NODAL: variants seen among roughly 807,000 people sequenced by gnomAD.
The protein encoded by NODAL is nodal homolog.
In NODAL, 12 loss-of-function variants were observed where a neutral mutation model predicts 34.0. The observed-to-expected ratio is 0.35, with a 90% confidence interval of 0.23 to 0.57. The LOEUF is 0.57. NODAL is among the 20% of genes least tolerant of loss of function. The probability of loss-of-function intolerance (pLI) is 0.83; values close to 1 mark genes in which losing one functional copy is unlikely to be tolerated. For missense variants in NODAL, 390 were observed against 444.2 expected, an observed-to-expected ratio of 0.88 and a Z score of 1.10; for synonymous variants, 162 against 186.4, an observed-to-expected ratio of 0.87 and a Z score of 1.07.
rs750811947 is a variant in NODAL at position 70,435,450 on chromosome 10, T to C, written c.727A>G (p.Arg243Gly). ...TTGACCTTCCGACACAGTTGACTTCTGTCTGGCAAGTGATGTCGACGGTGC... is the reference window on the plus strand; with the variant it reads ...TTGACCTTCCGACACAGTTGACTTCCGTCTGGCAAGTGATGTCGACGGTGC... ...KRHRRHHLPD[R>G]SQLCRKVKFQ... Residue 243 changes from arginine (R) to glycine (G), a missense_variant, in exon 2 of 3, where the codon AGA (arginine) becomes GGA (glycine). Physicochemically the swap from Arg to Gly is moderately radical, Grantham distance 125 (BLOSUM62 -2). Transcript: ENST00000287139. 14 of 1,614,230 alleles carry C rather than the reference T, an allele frequency of 8.7e-6. No individual in the cohort carries two copies. Among genetic ancestry groups the C allele is most frequent in the Non-Finnish European group, 1.2e-5 (14 of 1,180,032 alleles).
At chr10:70,446,443 A>T (rs1435594775), upstream of NODAL, among the ~76,000 whole-genome samples, 1 of 152,150 alleles carries the variant, frequency 6.6e-6, no homozygotes, top group Non-Finnish European at 1.5e-5. Context: ...CTGCTTGCTC[A>T]GCTGTAAAAT....
intron 2 of NODAL, 97 bp from the exon 3 acceptor site, chr10:70,433,185 C>A: frequency 1.4e-6 from 2 of 1,451,372 alleles, no homozygotes; most frequent in South Asian, 2.3e-5. Context: ...GAGTTAAAGT[C>A]AGTTCCTGAG....
chr10:70,442,723 G>A (rs191438065), upstream of NODAL, among the ~76,000 whole-genome samples: 11 of 152,168 alleles, frequency 7.2e-5, no homozygotes, highest in South Asian at 1.7e-3. Flanking sequence ...CTTACTAAGC[G>A]CCAGGCATAG....
Position 70,432,696 on chromosome 10 carries a change from T to G in NODAL, c.*240A>C, listed in dbSNP as rs1335405463. The G allele has an allele frequency of 2.0e-5, 11 of 557,804 alleles. No individual in the cohort carries two copies. The highest frequency in any genetic ancestry group is 9.4e-5 in the East Asian group (3 of 31,878). 34.6% of individuals were successfully genotyped at this position (557,804 alleles called of 1,614,324 possible). A position where few individuals can be genotyped will look rare whatever the true frequency, so the allele number is the denominator to read the frequency against. On this transcript the variant is annotated 3_prime_UTR_variant, in exon 3 of 3. Transcript: ENST00000287139. The stretch of plus-strand genomic sequence containing the variant: ...CACTGTCTTTTCAGTAAAGAGAACA[T>G]CCAGCCAGCCCCCTGCACAGGCTTC...
At chr10:70,438,026 A>G (rs1248273358) in intron 1 of NODAL, among the ~76,000 whole-genome samples, 1 of 152,040 alleles carries the variant, frequency 6.6e-6, no homozygotes, top group Non-Finnish European at 1.5e-5. Flanking sequence ...GCGGTGGGTC[A>G]CTCCTATAAT....
In NODAL at chr10:70,441,526, A is replaced by C. The variant is rs1477581536; in HGVS notation, c.142T>G (p.Tyr48Asp). ...PSPLAYMLSLYRDPLPRADII... is the reference protein window; with the variant it reads ...PSPLAYMLSLDRDPLPRADII... ...TCTGCCCTCGGCAGCGGGTCGCGGT[A>C]GAGGCTCAGCATGTACGCCAGAGGG... The change falls in exon 1 of 3, where the codon TAC becomes GAC. Residue 48 changes from tyrosine (Y) to aspartate (D), a missense_variant. Transcript: ENST00000287139. The C allele has an allele frequency of 5.0e-6, 8 of 1,595,622 alleles. No individual in the cohort carries two copies. In the East Asian group the frequency reaches 1.1e-4, roughly 23 times the overall value.
chr10:70,436,396 A>T lies in NODAL; in HGVS notation c.194-413T>A, dbSNP rs550481030. 54 of 291,660 alleles carry T rather than the reference A, an allele frequency of 1.9e-4. 1 individual carries two copies. The highest frequency in any genetic ancestry group is 1.4e-3 in the South Asian group (39 of 28,102). 18.1% of individuals were successfully genotyped at this position (291,660 alleles called of 1,614,324 possible). On this transcript the variant is annotated intron_variant, in intron 1 of 2. Transcript: ENST00000287139. ...TACATGAAGTCTGACCAACATGGAG[A>T]AACCCTGTCTCTACTAAAAATACAA...
chr10:70,438,184 C>T (rs1331358708), intron 1 of NODAL, among the ~76,000 whole-genome samples: 1 of 152,070 alleles, frequency 6.6e-6, no homozygotes, highest in African/African-American at 2.4e-5. Context: ...ATCCCAGCTA[C>T]TTGAGAGGCA....
At chr10:70,441,731 C>T, upstream of NODAL, 1 of 1,489,052 alleles carries the variant, frequency 6.7e-7, no homozygotes, top group African/African-American at 1.4e-5. Flanking sequence ...CAGCAGCCGC[C>T]CCGCCCCCAC....
At chr10:70,438,011 C>T (rs562199863) in intron 1 of NODAL, among the ~76,000 whole-genome samples, 1 of 152,192 alleles carries the variant, frequency 6.6e-6, no homozygotes, top group African/African-American at 2.4e-5. Flanking sequence ...TTATCTTGGC[C>T]AGGTGCGGTG....
chr10:70,434,294 G>C (rs923719834), intron 2 of NODAL, among the ~76,000 whole-genome samples: 8 of 152,172 alleles, frequency 5.3e-5, no homozygotes, highest in African/African-American at 1.9e-4. Flanking sequence ...CACCAGCTCT[G>C]TTCTTCCTCC....
intron 1 of NODAL, among the ~76,000 whole-genome samples, chr10:70,447,672 A>AAAAG (rs1554851119): frequency 1.3e-5 from 2 of 150,548 alleles, no homozygotes; most frequent in African/African-American, 2.4e-5. Context: ...GGAAAAAAAA[A>AAAAG]AAGAAGAAGA....
intron 1 of NODAL, among the ~76,000 whole-genome samples, chr10:70,440,116 G>A (rs911141754): frequency 6.6e-6 from 1 of 152,132 alleles, no homozygotes; most frequent in Non-Finnish European, 1.5e-5. Context: ...AGCTGAAAGA[G>A]AGCAGTCTCC....
chr10:70,444,509 A>G (rs1165078701), upstream of NODAL, among the ~76,000 whole-genome samples: 2 of 151,788 alleles, frequency 1.3e-5, no homozygotes, highest in African/African-American at 4.8e-5. Flanking sequence ...GCCTGGCTAA[A>G]TTTTTGTACT....
Position 70,435,505 on chromosome 10 carries a change from C to T in NODAL, c.672G>A (p.Glu224=), listed in dbSNP as rs745724942. The T allele has an allele frequency of 3.9e-5, 63 of 1,614,020 alleles. No homozygotes were observed. Among genetic ancestry groups the T allele is most frequent in the Admixed American group, 2.0e-4 (12 of 60,012 alleles). ...TGCCCCACTCCCAGGACAGCTGTCC[C>T]TCCTGGGCCCGCCAGGAGCTCTCGG... ...WEAESSWRAQ[E]GQLSWEWGKR... is the part of the protein sequence containing the mutation. Residue 224 remains glutamate, a synonymous_variant, in exon 2 of 3, where the codon GAG becomes GAA. Coordinates refer to ENST00000287139, the MANE Select transcript of NODAL (RefSeq NM_018055.5).
At chr10:70,434,644 T>C (rs1217560757) in intron 2 of NODAL, among the ~76,000 whole-genome samples, 1 of 152,246 alleles carries the variant, frequency 6.6e-6, no homozygotes, top group Non-Finnish European at 1.5e-5. Context: ...ATTTCAGGCA[T>C]GTGCCACCGC....
chr10:70,439,920 A>G (rs1228261908), intron 1 of NODAL, among the ~76,000 whole-genome samples: 1 of 152,226 alleles, frequency 6.6e-6, no homozygotes, highest in Non-Finnish European at 1.5e-5. Context: ...AAAATATTAA[A>G]AAATAGCTGG....
At chr10:70,444,094 G>A (rs564594063), upstream of NODAL, among the ~76,000 whole-genome samples, 3 of 151,868 alleles carry the variant, frequency 2.0e-5, no homozygotes, top group African/African-American at 7.2e-5. Context: ...CACCATGCCC[G>A]GCTAAAATTT....
At chr10:70,447,888 A>C (rs1449702240) in intron 1 of NODAL, 4 of 471,108 alleles carry the variant, frequency 8.5e-6, no homozygotes, top group South Asian at 6.2e-5. Context: ...ATTCAATCTC[A>C]TAAAGGCAGG....
Sources: allele counts gnomAD v4.1 joint callset (sites outside exome capture counted in the v4.1 genomes callset), GRCh38; gene constraint gnomAD v4.1.1; transcripts MANE v1.5; gene names NCBI Gene and HGNC (gene_info 2026-07-23, HGNC 2026-07-21).